DLGAP4: variants seen among roughly 807,000 people sequenced by gnomAD.
DLGAP4 encodes the protein disks large-associated protein 4.
A neutral mutation model predicts 86.9 loss-of-function variants in DLGAP4; 18 were observed. The observed-to-expected ratio is 0.21, with a 90% confidence interval of 0.14 to 0.31. DLGAP4 has a LOEUF of 0.31. Among genes scored for constraint, DLGAP4 ranks in the 10% least tolerant of loss-of-function variants. The pLI is 1.00. For missense variants in DLGAP4, 1,085 were observed against 1,362.6 expected, an observed-to-expected ratio of 0.80 and a Z score of 3.21; for synonymous variants, 548 against 574.3, an observed-to-expected ratio of 0.95 and a Z score of 0.65.
Position 36,432,511 on chromosome 20 carries a change from C to A in DLGAP4, c.794C>A (p.Thr265Asn). ...KTTKNNTTEL[T>N]APPPPPAPPA... Reference sequence around the variant, plus strand: ...ACCAAGAACAACACTACTGAGCTGACTGCCCCACCACCCCCGCCCGCACCC... The same window carrying A: ...ACCAAGAACAACACTACTGAGCTGAATGCCCCACCACCCCCGCCCGCACCC... The change falls in exon 3 of 13, where the codon ACT becomes AAT. Residue 265 changes from threonine to asparagine, a missense_variant. Around this residue, in one of 2 missense-constraint regions of DLGAP4, gnomAD observed 1,082 missense variants for 1,344.1 expected, o/e 0.81. Coordinates refer to ENST00000339266, the MANE Select transcript of DLGAP4 (RefSeq NM_001365621.2). The surrounding 1 kb of genome is among the most constrained non-coding windows in gnomAD (Gnocchi z 6.5). The A allele has an allele frequency of 6.2e-7, 1 of 1,613,064 alleles. No individual in the cohort carries two copies. Among genetic ancestry groups the A allele is most frequent in the Non-Finnish European group, 8.5e-7 (1 of 1,179,952 alleles).
intron 7 of DLGAP4, among the ~76,000 whole-genome samples, chr20:36,453,940 A>G (rs1403325074): frequency 6.7e-6 from 1 of 148,722 alleles, no homozygotes; most frequent in East Asian, 2.0e-4. Context: ...TCTCCAAAAA[A>G]AAAAAAAAAA....
chr20:36,468,195 G>A (rs996660735), intron 7 of DLGAP4, among the ~76,000 whole-genome samples: 3 of 152,230 alleles, frequency 2.0e-5, no homozygotes, highest in Non-Finnish European at 2.9e-5. Context: ...AGAAGGTTCC[G>A]GAGTTGTGCT....
intron 10 of DLGAP4, among the ~76,000 whole-genome samples, chr20:36,509,148 C>T (rs1358401844): frequency 2.0e-5 from 3 of 152,216 alleles, no homozygotes; most frequent in Non-Finnish European, 4.4e-5. Context: ...ATTGTCTGGG[C>T]ATGGTGGCTC....
At chr20:36,440,535 C>T (rs2147562184) in intron 5 of DLGAP4, among the ~76,000 whole-genome samples, 1 of 152,226 alleles carries the variant, frequency 6.6e-6, no homozygotes, top group Middle Eastern at 3.4e-3. Flanking sequence ...TCCTTGAGCC[C>T]TTAACCACCC....
At chr20:36,412,714 T>TCTTG (rs2032534404) in intron 2 of DLGAP4, among the ~76,000 whole-genome samples, 1 of 152,000 alleles carries the variant, frequency 6.6e-6, no homozygotes, top group Admixed American at 6.6e-5. Context: ...TCTGAAAAGG[T>TCTTG]CTTGATTCAC....
At chr20:36,376,537 G>A (rs1370110749) in intron 2 of DLGAP4, among the ~76,000 whole-genome samples, 2 of 152,154 alleles carry the variant, frequency 1.3e-5, no homozygotes, top group Non-Finnish European at 2.9e-5. Flanking sequence ...GGTGACAGCA[G>A]GTAGGACAGG....
At chr20:36,526,791 T>C (rs778370585) in intron 12 of DLGAP4, 22 bp from the exon 13 acceptor site, 33 of 1,556,630 alleles carry the variant, frequency 2.1e-5, no homozygotes, top group Non-Finnish European at 2.3e-5. Flanking sequence ...ATTTTTGTTC[T>C]CTCCTCACTG....
intron 2 of DLGAP4, among the ~76,000 whole-genome samples, chr20:36,414,983 G>A (rs1194627152): frequency 6.6e-6 from 1 of 152,066 alleles, no homozygotes; most frequent in East Asian, 1.9e-4. Flanking sequence ...CCTCCAGAGA[G>A]GGCTGGGCAC....
At chr20:36,445,941 C>T (rs1293826950) in intron 6 of DLGAP4, among the ~76,000 whole-genome samples, 1 of 152,168 alleles carries the variant, frequency 6.6e-6, no homozygotes, top group Non-Finnish European at 1.5e-5. Context: ...TTTTCAGGGT[C>T]CTAGACAGTC....
intron 7 of DLGAP4, chr20:36,462,580 T>C (rs1221874226): frequency 8.1e-6 from 13 of 1,599,674 alleles, no homozygotes; most frequent in Non-Finnish European, 1.0e-5. Flanking sequence ...TGGCTTTGTG[T>C]CTGGAGCTCT....
intron 7 of DLGAP4, among the ~76,000 whole-genome samples, chr20:36,474,979 G>A (rs540688483): frequency 6.6e-5 from 10 of 152,264 alleles, no homozygotes; most frequent in Admixed American, 5.9e-4. Context: ...AAGGAAACAA[G>A]TAGATGCTGA....
chr20:36,392,837 G>A lies in DLGAP4; in HGVS notation c.-73+25562G>A, dbSNP rs73905347. Among the ~76,000 whole-genome samples the A allele has an allele frequency of 5.0e-3, 755 of 152,280 alleles. 6 individuals are homozygous for A. The highest frequency in any genetic ancestry group is 0.017 in the African/African-American group (714 of 41,538). ...GAGATAGACAATAAGTAAAATAAACGAACAGATGCTGTGCTCCTGGGTGAC... is the reference window on the plus strand; with the variant it reads ...GAGATAGACAATAAGTAAAATAAACAAACAGATGCTGTGCTCCTGGGTGAC... On this transcript the variant is annotated intron_variant, in intron 2 of 12. Coordinates refer to ENST00000339266, the MANE Select transcript of DLGAP4 (RefSeq NM_001365621.2).
Position 36,500,182 on chromosome 20 carries a change from C to CAG in DLGAP4, c.2100-17_2100-16insAG. 7.4e-7 allele frequency: 1 copy of CAG among 1,351,858 alleles called. No individual in the cohort carries two copies. Among genetic ancestry groups the CAG allele is most frequent in the Non-Finnish European group, 1.0e-6 (1 of 996,388 alleles). The allele number at this position is 1,351,858 out of a possible 1,614,324, so 83.7% of individuals were successfully genotyped here. Reference sequence around the variant, plus strand: ...TCACTCCTTCCTGTCCCCACCCCATCCACCCCCTACCCACAGAAGCAGCGT... The same window carrying CAG: ...TCACTCCTTCCTGTCCCCACCCCATCAGCACCCCCTACCCACAGAAGCAGCGT... On this transcript the variant is annotated splice_polypyrimidine_tract_variant and intron_variant, in intron 9 of 12. Coordinates refer to ENST00000339266, the MANE Select transcript of DLGAP4 (RefSeq NM_001365621.2). The surrounding 1 kb of genome is among the most constrained non-coding windows in gnomAD (Gnocchi z 4.6).
At chr20:36,453,397 C>A (rs1450857907) in intron 7 of DLGAP4, among the ~76,000 whole-genome samples, 1 of 152,150 alleles carries the variant, frequency 6.6e-6, no homozygotes, top group African/African-American at 2.4e-5. Context: ...TACCTATAAT[C>A]CCAATGCTTT....
Position 36,371,654 on chromosome 20 carries a change from T to G in DLGAP4, c.-73+4379T>G, listed in dbSNP as rs541106547. On this transcript the variant is annotated intron_variant, in intron 2 of 12. Transcript: ENST00000339266. ...ACGGGACCAGTTAAAGCCATTTTAC[T>G]GCAGCCACACCGTGGCGCCTGCTAC... 3.9e-5 allele frequency among the ~76,000 whole-genome samples: 6 copies of G among 152,358 alleles called. No homozygotes were observed. In the South Asian group the frequency reaches 1.2e-3, roughly 32 times the overall value.
At chr20:36,444,922 G>A (rs1287940887) in intron 6 of DLGAP4, among the ~76,000 whole-genome samples, 1 of 152,038 alleles carries the variant, frequency 6.6e-6, no homozygotes, top group East Asian at 2.0e-4. Context: ...TTACAGGCAT[G>A]AGCCACCACG....
chr20:36,404,495 G>T (rs1340661014), intron 2 of DLGAP4, among the ~76,000 whole-genome samples: 1 of 152,180 alleles, frequency 6.6e-6, no homozygotes, highest in African/African-American at 2.4e-5. Context: ...GCTGTGACTG[G>T]CACATCCCTC....
chr20:36,527,642 G>A lies in DLGAP4; in HGVS notation c.*611G>A, dbSNP rs1343450526. The stretch of plus-strand genomic sequence containing the variant: ...CAAGTGCTCACACACAACCTCACGC[G>A]CACACACACACACGCAGATGGAGGC... On this transcript the variant is annotated 3_prime_UTR_variant, in exon 13 of 13. Coordinates refer to ENST00000339266, the MANE Select transcript of DLGAP4 (RefSeq NM_001365621.2). 2.0e-5 allele frequency: 3 copies of A among 147,480 alleles called. No homozygotes were observed. Among genetic ancestry groups the A allele is most frequent in the Non-Finnish European group, 4.6e-5 (3 of 64,902 alleles). The allele number at this position is 147,480 out of a possible 1,614,324, so 9.1% of individuals were successfully genotyped here.
At position 36,461,152 on chromosome 20, in the gene DLGAP4, G is replaced by A. The variant is rs574793215; in HGVS notation, c.1648+14215G>A. Among the ~76,000 whole-genome samples the A allele has an allele frequency of 5.6e-4, 85 of 152,216 alleles. 1 individual carries two copies. Among genetic ancestry groups the A allele is most frequent in the African/African-American group, 1.9e-3 (80 of 41,550 alleles). ...CCACCTCCCGCACAGAGCATGCGTC[G>A]CGTTCCAGCTGGAACCGGTTTGGCG... is the stretch of plus-strand genomic sequence containing the variant. On this transcript the variant is annotated intron_variant, in intron 7 of 12. Transcript: ENST00000339266.
Sources: gnomAD v4.1 joint callset for allele counts (sites outside exome capture counted in the v4.1 genomes callset) on GRCh38, gnomAD v4.1.1 for gene constraint, gnomAD v4.1.1 regional missense constraint, Gnocchi (gnomAD v3.1) non-coding constraint, MANE v1.5 for transcripts, NCBI Gene and HGNC (gene_info 2026-07-23, HGNC 2026-07-21) for gene names.